The following BEND4 variants were observed in gnomAD, a reference collection of about 807,000 sequenced individuals.
BEND4 encodes BEN domain-containing protein 4.
A neutral mutation model predicts 54.7 loss-of-function variants in BEND4; 27 were observed. The ratio of observed to expected loss-of-function variants is 0.49; its 90% CI spans 0.36 to 0.68. BEND4 has a LOEUF of 0.68. BEND4 is among the 30% of genes least tolerant of loss of function. The probability of loss-of-function intolerance (pLI) is 0.00; values close to 1 mark genes in which losing one functional copy is unlikely to be tolerated. For missense variants in BEND4, 702 were observed against 697.2 expected (o/e 1.01, Z -0.08); for synonymous variants, 327 against 299.5 (o/e 1.09, Z -0.95).
chr4:42,144,500 C>T (rs925832516), intron 2 of BEND4, among the ~76,000 whole-genome samples: 1 of 152,144 alleles, frequency 6.6e-6, no homozygotes, highest in Non-Finnish European at 1.5e-5. Flanking sequence ...AAAGATAAGT[C>T]TTTTTGAAGA....
intron 3 of BEND4, 84 bp from the exon 4 acceptor site, chr4:42,125,758 T>TA (rs1720255461): frequency 3.4e-6 from 3 of 869,616 alleles, no homozygotes; most frequent in East Asian, 2.8e-5. Context: ...TTTTTTTTTT[T>TA]AAACAGAGGT....
chr4:42,140,292 T>G (rs1720838245), intron 3 of BEND4, among the ~76,000 whole-genome samples: 1 of 152,200 alleles, frequency 6.6e-6, no homozygotes, highest in Non-Finnish European at 1.5e-5. Context: ...CCCTAGGTCA[T>G]GAACACGTAA....
At chr4:42,123,694 G>GAAAAAAAAAACAAAAAAAAAAA (rs1720147616) in intron 4 of BEND4, among the ~76,000 whole-genome samples, 1 of 50,794 alleles carries the variant, frequency 2.0e-5, no homozygotes, top group African/African-American at 7.5e-5. Context: ...CTGTAATTCA[G>GAAAAAAAAAACAAAAAAAAAAA]AAAAAAAAAA....
At position 42,114,388 on chromosome 4, in the gene BEND4, C is replaced by A. The variant is rs1263111136; in HGVS notation, c.*3130G>T. On this transcript the variant is annotated 3_prime_UTR_variant, in exon 6 of 6. Transcript: ENST00000502486. ...CTGCTTATGGACCACACCTAGTCACCGACAAAAAAGCCACATTTAGTCTTT... is the reference window on the plus strand; with the variant it reads ...CTGCTTATGGACCACACCTAGTCACAGACAAAAAAGCCACATTTAGTCTTT... 1 of 152,080 alleles carries A rather than the reference C, an allele frequency of 6.6e-6. No individual in the cohort carries two copies. Among genetic ancestry groups the A allele is most frequent in the Non-Finnish European group, 1.5e-5 (1 of 68,026 alleles). The allele number at this position is 152,080 out of a possible 1,614,324, so 9.4% of individuals were successfully genotyped here.
chr4:42,118,028 T>C, intron 5 of BEND4, among the ~76,000 whole-genome samples: 1 of 152,196 alleles, frequency 6.6e-6, no homozygotes, highest in African/African-American at 2.4e-5. Context: ...AGGCATGGGA[T>C]GCACCATGTC....
At chr4:42,122,105 T>C (rs1219594314) in intron 4 of BEND4, among the ~76,000 whole-genome samples, 1 of 152,084 alleles carries the variant, frequency 6.6e-6, no homozygotes, top group Non-Finnish European at 1.5e-5. Flanking sequence ...CGGAGGAAGC[T>C]TAAGCTTAGT....
Position 42,114,282 on chromosome 4 carries a change from G to A in BEND4, c.*3236C>T, listed in dbSNP as rs764135328. 6.6e-6 allele frequency: 1 copy of A among 152,202 alleles called. No individual in the cohort carries two copies. Among genetic ancestry groups the A allele is most frequent in the African/African-American group, 2.4e-5 (1 of 41,424 alleles). The allele number at this position is 152,202 out of a possible 1,614,324, so 9.4% of individuals were successfully genotyped here. ...TGAGCTTGGGGCTTCAACTCACTGC[G>A]AAAAGCCGGCATGATCTTTGTAACA... On this transcript the variant is annotated 3_prime_UTR_variant, in exon 6 of 6. Transcript: ENST00000502486.
Position 42,115,364 on chromosome 4 carries a change from G to GCC in BEND4, c.*2153_*2154insGG, listed in dbSNP as rs1719762291. The GCC allele has an allele frequency of 1.3e-5, 2 of 152,238 alleles. No individual in the cohort carries two copies. Among genetic ancestry groups the GCC allele is most frequent in the African/African-American group, 2.4e-5 (1 of 41,458 alleles). 9.4% of individuals were successfully genotyped at this position (152,238 alleles called of 1,614,324 possible). A position where few individuals can be genotyped will look rare whatever the true frequency, so the allele number is the denominator to read the frequency against. On this transcript the variant is annotated 3_prime_UTR_variant, in exon 6 of 6. Coordinates refer to ENST00000502486, the MANE Select transcript of BEND4 (RefSeq NM_207406.4). Reference sequence around the variant, plus strand: ...GTGCGTTGTCATGTACGGCCATGGAGCAGGGGTGCAGAAAGTGCTCTCATC... The same window carrying GCC: ...GTGCGTTGTCATGTACGGCCATGGAGCCCAGGGGTGCAGAAAGTGCTCTCATC...
chr4:42,123,855 T>C (rs1391048219), intron 4 of BEND4, among the ~76,000 whole-genome samples: 2 of 152,142 alleles, frequency 1.3e-5, no homozygotes, highest in Non-Finnish European at 2.9e-5. Context: ...CAGTGATATG[T>C]CAGAAACTTC....
Position 42,117,157 on chromosome 4 carries a change from G to A in BEND4, c.*361C>T. ...ACTCCATGTCTCCACCTTCTCCCAT[G>A]GGCAGAAACACTACCCCAGCCTACC... is the stretch of plus-strand genomic sequence containing the variant. On this transcript the variant is annotated 3_prime_UTR_variant, in exon 6 of 6. Transcript: ENST00000502486. 5.7e-6 allele frequency: 1 copy of A among 176,404 alleles called. No homozygotes were observed. The highest frequency in any genetic ancestry group is 1.7e-4 in the South Asian group (1 of 5,784). The allele number at this position is 176,404 out of a possible 1,614,324, so 10.9% of individuals were successfully genotyped here.
intron 3 of BEND4, among the ~76,000 whole-genome samples, chr4:42,126,468 C>T (rs1050108549): frequency 6.6e-6 from 1 of 152,176 alleles, no homozygotes; most frequent in Non-Finnish European, 1.5e-5. Context: ...CACACTTGGC[C>T]ACACAGTTCT....
In BEND4 at chr4:42,113,090, T is replaced by C. The variant is rs917860616; in HGVS notation, c.*4428A>G. The C allele has an allele frequency of 6.6e-6, 1 of 152,258 alleles. No homozygotes were observed. The highest frequency in any genetic ancestry group is 2.4e-5 in the African/African-American group (1 of 41,468). The allele number at this position is 152,258 out of a possible 1,614,324, so 9.4% of individuals were successfully genotyped here. On this transcript the variant is annotated 3_prime_UTR_variant, in exon 6 of 6. Transcript: ENST00000502486. Reference sequence around the variant, plus strand: ...TCTGACTCAAGCACTCCATTTGACATGTTTTGCCAAACAGTTCTGGCACGT... The same window carrying C: ...TCTGACTCAAGCACTCCATTTGACACGTTTTGCCAAACAGTTCTGGCACGT...
At chr4:42,125,751 T>C in intron 3 of BEND4, 77 bp from the exon 4 acceptor site, 2 of 1,042,234 alleles carry the variant, frequency 1.9e-6, no homozygotes, top group Non-Finnish European at 2.7e-6. Context: ...TAAAGTTTTT[T>C]TTTTTTTAAA....
intron 3 of BEND4, among the ~76,000 whole-genome samples, chr4:42,130,137 A>G (rs924444038): frequency 7.9e-5 from 12 of 152,236 alleles, no homozygotes; most frequent in African/African-American, 2.7e-4. Context: ...TGGCCAACAA[A>G]CATATGAAAA....
At chr4:42,122,935 G>T (rs904230803) in intron 4 of BEND4, among the ~76,000 whole-genome samples, 4 of 152,128 alleles carry the variant, frequency 2.6e-5, no homozygotes, top group African/African-American at 9.7e-5. Context: ...CCTGAAAATG[G>T]TCTATTTCAA....
chr4:42,123,694 G>GAAAAAAAAAAACAAAAA (rs1553921966), intron 4 of BEND4, among the ~76,000 whole-genome samples: 14 of 50,796 alleles, frequency 2.8e-4, no homozygotes, highest in Non-Finnish European at 4.7e-4. Flanking sequence ...CTGTAATTCA[G>GAAAAAAAAAAACAAAAA]AAAAAAAAAA....
At chr4:42,140,893 T>C (rs1720857317) in intron 3 of BEND4, among the ~76,000 whole-genome samples, 1 of 152,162 alleles carries the variant, frequency 6.6e-6, no homozygotes, top group Non-Finnish European at 1.5e-5. Flanking sequence ...AAAGTCTCTG[T>C]AGCTGGATGA....
chr4:42,140,598 A>T (rs1194980465), intron 3 of BEND4, among the ~76,000 whole-genome samples: 1 of 152,202 alleles, frequency 6.6e-6, no homozygotes, highest in Non-Finnish European at 1.5e-5. Context: ...ACAAAAGACA[A>T]TGATTAGTGG....
At position 42,151,764 on chromosome 4, in the gene BEND4, G is replaced by A. The variant is rs1347716336; in HGVS notation, c.380C>T (p.Ser127Phe). ...AQPPPASPAA[S>F]SSSSFAAVVR... ...GACAGCGGCGAACGAAGACGACGAGGAGGCGGCGGGGGACGCGGGCGGCGG... is the reference window on the plus strand; with the variant it reads ...GACAGCGGCGAACGAAGACGACGAGAAGGCGGCGGGGGACGCGGGCGGCGG... Residue 127 changes from serine (S) to phenylalanine (F), a missense_variant, in exon 2 of 6, where the codon TCC (serine) becomes TTC (phenylalanine). Ser to Phe is a radical substitution (Grantham distance 155, BLOSUM62 -2). Coordinates refer to ENST00000502486, the MANE Select transcript of BEND4 (RefSeq NM_207406.4). The A allele has an allele frequency of 1.3e-6, 2 of 1,498,320 alleles. No individual in the cohort carries two copies. Among genetic ancestry groups the A allele is most frequent in the Middle Eastern group, 1.9e-4 (1 of 5,334 alleles). The allele number at this position is 1,498,320 out of a possible 1,614,324, so 92.8% of individuals were successfully genotyped here.
Sources: allele counts gnomAD v4.1 joint callset (sites outside exome capture counted in the v4.1 genomes callset), GRCh38; gene constraint gnomAD v4.1.1; transcripts MANE v1.5; gene names NCBI Gene and HGNC (gene_info 2026-07-23, HGNC 2026-07-21).